Variants in SMYD3 observed in about 807,000 individuals in gnomAD.
SMYD3 encodes SET and MYND domain containing 3, also known as histone-lysine N-methyltransferase SMYD3.
SMYD3 carries 36 observed loss-of-function variants against 57.7 expected under a neutral mutation model. The ratio of observed to expected loss-of-function variants is 0.62; its 90% confidence interval spans 0.48 to 0.82. The LOEUF is 0.82. Among genes scored for constraint, SMYD3 ranks in the 40% least tolerant of loss-of-function variants. SMYD3 has a pLI of 0.00. For synonymous variants in SMYD3, 211 were observed against 195.0 expected (o/e 1.08, Z -0.68); for missense variants, 515 against 538.8 (o/e 0.96, Z 0.44).
chr1:246,046,945 A>C (rs1260132678), intron 5 of SMYD3, among the ~76,000 whole-genome samples: 1 of 151,980 alleles, frequency 6.6e-6, no homozygotes, highest in Non-Finnish European at 1.5e-5. Flanking sequence ...AAATTTAACA[A>C]CAAAATATAT....
At chr1:245,947,236 G>C (rs1309764874) in intron 5 of SMYD3, among the ~76,000 whole-genome samples, 2 of 152,182 alleles carry the variant, frequency 1.3e-5, no homozygotes, top group East Asian at 1.9e-4. Context: ...TCCTAAGGCA[G>C]GCTGCAAAGA....
At chr1:246,111,827 C>T (rs1379227907) in intron 5 of SMYD3, among the ~76,000 whole-genome samples, 1 of 152,228 alleles carries the variant, frequency 6.6e-6, no homozygotes, top group Admixed American at 6.5e-5. Flanking sequence ...AATAGGTCTG[C>T]TCAGTCTATG....
intron 1 of SMYD3, among the ~76,000 whole-genome samples, chr1:246,446,324 T>C (rs1368354342): frequency 6.6e-6 from 1 of 152,080 alleles, no homozygotes; most frequent in Non-Finnish European, 1.5e-5. Flanking sequence ...AAAAGTATTA[T>C]CATATTTGTC....
intron 1 of SMYD3, among the ~76,000 whole-genome samples, chr1:246,393,139 A>G (rs1392832081): frequency 6.6e-6 from 1 of 152,216 alleles, no homozygotes; most frequent in African/African-American, 2.4e-5. Flanking sequence ...TTTATTTTAG[A>G]AAGAAGGAAA....
Position 246,101,079 on chromosome 1 carries a change from T to TTG in SMYD3, c.532-171143_532-171142insCA, listed in dbSNP as rs1553288906. 2.5e-4 allele frequency among the ~76,000 whole-genome samples: 32 copies of TTG among 125,816 alleles called. 1 individual carries two copies. The highest frequency in any genetic ancestry group is 3.9e-3 in the Middle Eastern group (1 of 256). The allele number at this position is 125,816 out of a possible 152,430, so 82.5% of individuals were successfully genotyped here. Reference sequence around the variant, plus strand: ...ATTTTTAGGGGTTTTTTGTTTTTTTTTTTTTTTTTTTTTTTTTTTTTACAG... The same window carrying TTG: ...ATTTTTAGGGGTTTTTTGTTTTTTTTTGTTTTTTTTTTTTTTTTTTTTTACAG... On this transcript the variant is annotated intron_variant, in intron 5 of 11. Transcript: ENST00000490107.
chr1:246,500,284 C>T (rs886360316), intron 1 of SMYD3, among the ~76,000 whole-genome samples: 9 of 152,198 alleles, frequency 5.9e-5, no homozygotes, highest in African/African-American at 2.2e-4. Context: ...CAGACTTGGT[C>T]TACATCCCAC....
At chr1:246,180,193 A>G (rs936098348) in intron 5 of SMYD3, among the ~76,000 whole-genome samples, 2 of 148,258 alleles carry the variant, frequency 1.3e-5, no homozygotes, top group African/African-American at 2.5e-5. Flanking sequence ...ATATAGTAGA[A>G]AAATATATAT....
At chr1:246,418,926 A>G (rs1407107494) in intron 1 of SMYD3, among the ~76,000 whole-genome samples, 1 of 152,126 alleles carries the variant, frequency 6.6e-6, no homozygotes, top group African/African-American at 2.4e-5. Flanking sequence ...AAACAACTGA[A>G]AATAGCCAGT....
At chr1:245,902,268 GAGCTGA>G (rs1190665743) in intron 8 of SMYD3, among the ~76,000 whole-genome samples, 3 of 152,192 alleles carry the variant, frequency 2.0e-5, no homozygotes, top group African/African-American at 7.2e-5. Flanking sequence ...ATGACAAATG[GAGCTGA>G]AGCACATTTT....
chr1:246,378,882 T>C (rs1453580158), intron 1 of SMYD3, among the ~76,000 whole-genome samples: 5 of 132,874 alleles, frequency 3.8e-5, no homozygotes, highest in Non-Finnish European at 7.7e-5. Context: ...ATATTATATA[T>C]ATAAAGCAAT....
intron 1 of SMYD3, among the ~76,000 whole-genome samples, chr1:246,453,864 T>C (rs1037698409): frequency 6.6e-6 from 1 of 152,170 alleles, no homozygotes; most frequent in African/African-American, 2.4e-5. Flanking sequence ...TGCAAACTGT[T>C]AGTAAATCTC....
At chr1:245,764,003 A>T in intron 11 of SMYD3, 38 bp downstream of exon 11, 1 of 1,503,186 alleles carries the variant, frequency 6.7e-7, no homozygotes, top group Non-Finnish European at 9.3e-7. Flanking sequence ...GAAAAAAAGG[A>T]TGCCAGGCAG....
intron 5 of SMYD3, among the ~76,000 whole-genome samples, chr1:246,248,956 G>A (rs755321787): frequency 1.1e-4 from 16 of 146,468 alleles, no homozygotes; most frequent in African/African-American, 3.3e-4. Flanking sequence ...GTGCCCAGCC[G>A]CTCTCTGACT....
intron 5 of SMYD3, among the ~76,000 whole-genome samples, chr1:246,184,565 C>T (rs917883513): frequency 2.6e-5 from 4 of 152,272 alleles, no homozygotes; most frequent in Admixed American, 6.5e-5. Flanking sequence ...AAAATTCTTA[C>T]GTTGCAGCCC....
chr1:246,242,994 A>G (rs1289183884), intron 5 of SMYD3, among the ~76,000 whole-genome samples: 1 of 152,182 alleles, frequency 6.6e-6, no homozygotes, highest in Non-Finnish European at 1.5e-5. Context: ...ACTCCCACAC[A>G]ATAATAATGG....
chr1:246,280,951 C>T (rs2064428610), intron 5 of SMYD3, among the ~76,000 whole-genome samples: 7 of 152,140 alleles, frequency 4.6e-5, no homozygotes, highest in Non-Finnish European at 1.0e-4. Flanking sequence ...ATTTTATTTG[C>T]AAAAACCTAG....
intron 1 of SMYD3, among the ~76,000 whole-genome samples, chr1:246,380,629 G>A (rs1220425227): frequency 6.6e-6 from 1 of 152,162 alleles, no homozygotes; most frequent in African/African-American, 2.4e-5. Context: ...GTAGGTTCTG[G>A]ATATATAAGG....
At chr1:246,408,318 C>A (rs1192680961) in intron 1 of SMYD3, among the ~76,000 whole-genome samples, 2 of 152,004 alleles carry the variant, frequency 1.3e-5, no homozygotes, top group Non-Finnish European at 2.9e-5. Context: ...TATATATTAT[C>A]TAAGACTCTC....
intron 1 of SMYD3, among the ~76,000 whole-genome samples, chr1:246,391,006 A>G (rs1572452657): frequency 1.3e-5 from 2 of 152,214 alleles, no homozygotes; most frequent in East Asian, 1.9e-4. Context: ...TGGCAGACAT[A>G]AATCCAACCA....
Sources: allele counts gnomAD v4.1 joint callset (sites outside exome capture counted in the v4.1 genomes callset), GRCh38; gene constraint gnomAD v4.1.1; transcripts MANE v1.5; gene names NCBI Gene and HGNC (gene_info 2026-07-23, HGNC 2026-07-21).